GSN: variants seen among roughly 807,000 people sequenced by gnomAD.
The protein encoded by GSN is actin-depolymerizing factor.
In GSN, 56 loss-of-function variants were observed where a neutral mutation model predicts 85.7. The observed-to-expected ratio is 0.65, with a 90% CI of 0.53 to 0.82. The LOEUF (loss-of-function observed/expected upper bound fraction) is 0.82, where lower values mean the gene tolerates loss of function less well. Ranked by LOEUF, GSN falls within the 40% of genes least tolerant of loss-of-function variation. GSN has a pLI of 0.00. For synonymous variants in GSN, 373 were observed against 399.1 expected, an observed-to-expected ratio of 0.93 and a Z score of 0.78; for missense variants, 857 against 979.8, an observed-to-expected ratio of 0.87 and a Z score of 1.67.
chr9:121,235,126 T>G (rs2054467989), intron 5 of GSN, among the ~76,000 whole-genome samples: 1 of 152,178 alleles, frequency 6.6e-6, no homozygotes, highest in Non-Finnish European at 1.5e-5. Flanking sequence ...CCGTTGGCTG[T>G]CACTGAAATT....
At chr9:121,322,242 A>G (rs1298236329) in intron 11 of GSN, among the ~76,000 whole-genome samples, 1 of 152,170 alleles carries the variant, frequency 6.6e-6, no homozygotes, top group Admixed American at 6.5e-5. Flanking sequence ...ACATATGCAA[A>G]TAATTTATAG....
chr9:121,315,374 C>A (rs983967976), intron 7 of GSN, among the ~76,000 whole-genome samples: 1 of 152,180 alleles, frequency 6.6e-6, no homozygotes, highest in Non-Finnish European at 1.5e-5. Flanking sequence ...GACAGTCCCT[C>A]TTGGTGCACT....
Position 121,281,518 on chromosome 9 carries a change from G to A in GSN, c.-54G>A, listed in dbSNP as rs2057360750. ...CCAGTGCTTCGGCCTTGGTCCCAGC[G>A]CCTTCCCACGGAGCAGCACTCTTCA... On this transcript the variant is annotated 5_prime_UTR_variant, in exon 2 of 18. Coordinates refer to ENST00000432226, the MANE Select transcript of GSN (RefSeq NM_198252.3). The A allele has an allele frequency of 9.8e-6, 4 of 409,004 alleles. No homozygotes were observed. Among genetic ancestry groups the A allele is most frequent in the African/African-American group, 4.2e-5 (2 of 48,076 alleles). The allele number at this position is 409,004 out of a possible 1,614,324, so 25.3% of individuals were successfully genotyped here.
At chr9:121,277,033 C>T (rs1037399371) in intron 1 of GSN, among the ~76,000 whole-genome samples, 2 of 152,146 alleles carry the variant, frequency 1.3e-5, no homozygotes, top group African/African-American at 2.4e-5. Context: ...TCTCTCTAAC[C>T]TATTCCCTGC....
chr9:121,251,767 T>C (rs1462858594), intron 6 of GSN, among the ~76,000 whole-genome samples: 1 of 151,854 alleles, frequency 6.6e-6, no homozygotes, highest in Non-Finnish European at 1.5e-5. Flanking sequence ...CAGACCAGCC[T>C]GGCCAATGTG....
chr9:121,244,717 C>T (rs1420189147), intron 5 of GSN, among the ~76,000 whole-genome samples: 1 of 152,188 alleles, frequency 6.6e-6, no homozygotes, highest in Non-Finnish European at 1.5e-5. Flanking sequence ...AATGATGGTA[C>T]ATCCCCCAAA....
Position 121,238,174 on chromosome 9 carries a change from A to T in GSN, c.-389+6871A>T, listed in dbSNP as rs111803792. ...TTTGCTGCTGTGATGGTTAATACTT[A>T]GTGTCAACTTGATTGGATCGAAGGA... On this transcript the variant is annotated intron_variant, in intron 5 of 24. Coordinates refer to the GSN transcript ENST00000373823. 5.0e-3 allele frequency: 758 copies of T among 152,614 alleles called. 1 individual carries two copies. Among genetic ancestry groups the T allele is most frequent in the Non-Finnish European group, 7.5e-3 (513 of 68,266 alleles). 9.5% of individuals were successfully genotyped at this position (152,614 alleles called of 1,614,324 possible).
intron 5 of GSN, among the ~76,000 whole-genome samples, chr9:121,236,762 C>T (rs1194291613): frequency 6.6e-6 from 1 of 152,110 alleles, no homozygotes; most frequent in African/African-American, 2.4e-5. Context: ...GAATAAAACT[C>T]CAAAACTTCT....
chr9:121,291,544 G>A (rs2058694369), intron 2 of GSN, among the ~76,000 whole-genome samples: 1 of 151,080 alleles, frequency 6.6e-6, no homozygotes, highest in Admixed American at 6.6e-5. Context: ...TCAGCCTCCT[G>A]AGTAGCTGGG....
chr9:121,202,809 T>C (rs934200127), upstream of GSN, among the ~76,000 whole-genome samples: 9 of 152,238 alleles, frequency 5.9e-5, no homozygotes, highest in Non-Finnish European at 1.3e-4. Context: ...ACCTGAAAGT[T>C]CATTTTTTTC....
chr9:121,265,031 G>A (rs1303884290), upstream of GSN: 2 of 152,186 alleles, frequency 1.3e-5, no homozygotes, highest in Non-Finnish European at 1.5e-5. Flanking sequence ...CCTGCTTGTG[G>A]TCTGATCCTG....
intron 1 of GSN, among the ~76,000 whole-genome samples, chr9:121,272,647 A>G (rs2056140726): frequency 6.6e-6 from 1 of 152,236 alleles, no homozygotes; most frequent in African/African-American, 2.4e-5. Flanking sequence ...GATGTATCCC[A>G]TTCCCTGCTC....
chr9:121,211,208 G>A (rs71509558), intron 4 of GSN, among the ~76,000 whole-genome samples: 4 of 152,216 alleles, frequency 2.6e-5, no homozygotes, highest in Admixed American at 1.3e-4. Context: ...TACAGTTTCA[G>A]TTTGGGATGA....
At chr9:121,205,458 T>G (rs1482275747), upstream of GSN, among the ~76,000 whole-genome samples, 1 of 152,182 alleles carries the variant, frequency 6.6e-6, no homozygotes, top group Admixed American at 6.5e-5. Context: ...TCTGCCCTAT[T>G]GCTTCCTGCA....
intron 2 of GSN, chr9:121,286,507 A>C: frequency 8.4e-7 from 1 of 1,194,494 alleles, no homozygotes; most frequent in Non-Finnish European, 1.1e-6. Flanking sequence ...CACCTTCCCA[A>C]AAGGGAAACT....
intron 6 of GSN, chr9:121,312,897 G>A (rs1169033626): frequency 6.1e-6 from 1 of 164,588 alleles, no homozygotes; most frequent in Non-Finnish European, 1.3e-5. Context: ...AAAATGCTGG[G>A]ATTACAAGCA....
intron 7 of GSN, among the ~76,000 whole-genome samples, 163 bp from the exon 8 acceptor site, chr9:121,316,923 C>T (rs2061777485): frequency 2.0e-5 from 3 of 151,844 alleles, no homozygotes; most frequent in Admixed American, 2.0e-4. Flanking sequence ...GTGGTTCTGA[C>T]AAAGCAGAAA....
intron 2 of GSN, among the ~76,000 whole-genome samples, chr9:121,291,777 G>A (rs1335785080): frequency 6.6e-6 from 1 of 152,148 alleles, no homozygotes; most frequent in African/African-American, 2.4e-5. Flanking sequence ...GTGAGTCCGT[G>A]AGATAATATG....
intron 10 of GSN, among the ~76,000 whole-genome samples, chr9:121,319,249 G>A (rs561557988): frequency 2.0e-5 from 3 of 152,314 alleles, no homozygotes; most frequent in African/African-American, 7.2e-5. Context: ...CTCAGAGGAG[G>A]AGTAGAGCTT....
Sources: allele counts gnomAD v4.1 joint callset (sites outside exome capture counted in the v4.1 genomes callset), GRCh38; gene constraint gnomAD v4.1.1; transcripts MANE v1.5; gene names NCBI Gene and HGNC (gene_info 2026-07-23, HGNC 2026-07-21).